The following DPP10 variants were observed in gnomAD, a reference collection of about 807,000 sequenced individuals.
DPP10 encodes the protein inactive dipeptidyl peptidase 10.
A neutral mutation model predicts 120.9 loss-of-function variants in DPP10; 33 were observed. The ratio of observed to expected loss-of-function variants is 0.27; its 90% CI spans 0.21 to 0.37. The LOEUF (loss-of-function observed/expected upper bound fraction) is 0.37, where lower values mean the gene tolerates loss of function less well. DPP10 is among the 10% of genes least tolerant of loss of function. DPP10 has a pLI of 1.00. For synonymous variants in DPP10, 337 were observed against 326.1 expected (o/e 1.03, Z -0.36); for missense variants, 816 against 942.8 (o/e 0.87, Z 1.76).
intron 5 of DPP10, among the ~76,000 whole-genome samples, chr2:115,610,370 A>C (rs2084007538): frequency 6.6e-6 from 1 of 152,068 alleles, no homozygotes; most frequent in South Asian, 2.1e-4. Context: ...TTCACAGTAT[A>C]CTATTAGTTA....
At chr2:115,441,184 A>G (rs941305492) in intron 3 of DPP10, among the ~76,000 whole-genome samples, 3 of 152,170 alleles carry the variant, frequency 2.0e-5, no homozygotes, top group African/African-American at 7.2e-5. Flanking sequence ...AAATCTAATA[A>G]AAGTAAATTA....
At chr2:114,691,212 G>T (rs1293595428) in intron 1 of DPP10, among the ~76,000 whole-genome samples, 1 of 151,810 alleles carries the variant, frequency 6.6e-6, no homozygotes, top group Non-Finnish European at 1.5e-5. Flanking sequence ...TGTTATATAT[G>T]GCTTTTATTA....
chr2:115,509,294 A>G (rs2077102720), intron 4 of DPP10, among the ~76,000 whole-genome samples: 1 of 152,124 alleles, frequency 6.6e-6, no homozygotes, highest in South Asian at 2.1e-4. Context: ...CGATAATAAT[A>G]AGTAAAATAA....
At chr2:115,555,284 T>A (rs1405269296) in intron 5 of DPP10, among the ~76,000 whole-genome samples, 1 of 152,136 alleles carries the variant, frequency 6.6e-6, no homozygotes, top group Admixed American at 6.6e-5. Flanking sequence ...CGTTTGGAGC[T>A]GTGGCATGTG....
chr2:115,669,157 T>A (rs2089681653), intron 5 of DPP10, among the ~76,000 whole-genome samples: 1 of 152,138 alleles, frequency 6.6e-6, no homozygotes, highest in Non-Finnish European at 1.5e-5. Context: ...ACAAATGTAA[T>A]CTATTGCTGA....
At chr2:115,681,131 G>T (rs183800299) in intron 5 of DPP10, among the ~76,000 whole-genome samples, 2 of 151,750 alleles carry the variant, frequency 1.3e-5, no homozygotes, top group African/African-American at 4.8e-5. Flanking sequence ...TGTTTTAGCC[G>T]TAGTAAAAAA....
chr2:115,727,985 T>A, intron 8 of DPP10, 49 bp downstream of exon 8: 1 of 1,561,070 alleles, frequency 6.4e-7, no homozygotes, highest in Non-Finnish European at 8.6e-7. Context: ...CATATTTTTA[T>A]ACAAAATCTA....
intron 5 of DPP10, among the ~76,000 whole-genome samples, chr2:115,583,362 G>T (rs145669755): frequency 1.1e-3 from 174 of 152,254 alleles, no homozygotes; most frequent in African/African-American, 3.9e-3. Context: ...GGAGATTATT[G>T]TCTTCCACTG....
chr2:114,455,186 G>GTGTGTGTGTT (rs1376102778), intron 1 of DPP10, among the ~76,000 whole-genome samples: 23 of 151,674 alleles, frequency 1.5e-4, no homozygotes, highest in African/African-American at 5.6e-4. Context: ...GTGTGTGTGT[G>GTGTGTGTGTT]TTTGGGGGTG....
chr2:114,478,146 A>G (rs573019476), intron 1 of DPP10, among the ~76,000 whole-genome samples: 1 of 152,136 alleles, frequency 6.6e-6, no homozygotes, highest in Admixed American at 6.5e-5. Flanking sequence ...GCTACGGATA[A>G]ATACTTCTTA....
chr2:114,543,912 G>T (rs1687160308), intron 1 of DPP10, among the ~76,000 whole-genome samples: 1 of 150,666 alleles, frequency 6.6e-6, no homozygotes, highest in African/African-American at 2.4e-5. Flanking sequence ...TTGTTTGTTT[G>T]TTTAGCCTCA....
At chr2:115,724,354 A>C (rs986752831) in intron 7 of DPP10, among the ~76,000 whole-genome samples, 1 of 152,208 alleles carries the variant, frequency 6.6e-6, no homozygotes, top group African/African-American at 2.4e-5. Context: ...AGAAGGTGGC[A>C]AATTAAAAAT....
chr2:115,704,368 C>G (rs374470673), intron 7 of DPP10, among the ~76,000 whole-genome samples: 1 of 151,896 alleles, frequency 6.6e-6, no homozygotes, highest in Non-Finnish European at 1.5e-5. Flanking sequence ...GCATTCCTCT[C>G]TCTCAAATAA....
intron 7 of DPP10, 72 bp downstream of exon 7, chr2:115,689,993 G>A (rs1377253168): frequency 9.5e-6 from 14 of 1,468,460 alleles, no homozygotes; most frequent in African/African-American, 1.4e-5. Flanking sequence ...CTGAAACTTT[G>A]GAAAAACCAT....
chr2:115,148,785 G>T (rs2051371944), intron 1 of DPP10, among the ~76,000 whole-genome samples: 1 of 152,132 alleles, frequency 6.6e-6, no homozygotes, highest in African/African-American at 2.4e-5. Flanking sequence ...GCATGTCAAA[G>T]AATGAAATCT....
intron 1 of DPP10, among the ~76,000 whole-genome samples, chr2:114,511,526 A>C (rs1381772944): frequency 6.6e-6 from 1 of 152,244 alleles, no homozygotes; most frequent in Non-Finnish European, 1.5e-5. Context: ...TACAGCAGAT[A>C]AAAACAAAAC....
chr2:115,124,838 A>C (rs1239914173), intron 1 of DPP10, among the ~76,000 whole-genome samples: 1 of 152,208 alleles, frequency 6.6e-6, no homozygotes, highest in Non-Finnish European at 1.5e-5. Context: ...GAATAAACCC[A>C]TTATAAATAA....
chr2:115,300,250 C>G (rs1574343759), intron 1 of DPP10, among the ~76,000 whole-genome samples: 1 of 152,046 alleles, frequency 6.6e-6, no homozygotes, highest in African/African-American at 2.4e-5. Flanking sequence ...CAGCCCCTAA[C>G]AACTACCATT....
intron 7 of DPP10, among the ~76,000 whole-genome samples, chr2:115,719,669 G>A (rs1480415639): frequency 6.6e-6 from 1 of 152,198 alleles, no homozygotes; most frequent in East Asian, 1.9e-4. Flanking sequence ...GTTGAATGCT[G>A]CATTGTGGCT....
Sources: allele counts gnomAD v4.1 joint callset (sites outside exome capture counted in the v4.1 genomes callset), GRCh38; gene constraint gnomAD v4.1.1; transcripts MANE v1.5; gene names NCBI Gene and HGNC (gene_info 2026-07-23, HGNC 2026-07-21).